Variants in OPCML observed in about 807,000 individuals in gnomAD.
OPCML encodes opioid-binding protein/cell adhesion molecule.
OPCML carries 13 observed loss-of-function variants against 37.8 expected under a neutral mutation model. The observed-to-expected ratio is 0.34, with a 90% CI of 0.22 to 0.55. The LOEUF is 0.55. Among genes scored for constraint, OPCML ranks in the 20% least tolerant of loss-of-function variants. OPCML has a pLI of 0.91. For missense variants in OPCML, 341 were observed against 435.6 expected (o/e 0.78, Z 1.93); for synonymous variants, 176 against 168.8 (o/e 1.04, Z -0.33).
In OPCML at chr11:132,714,338, A is replaced by G. The variant is rs149779813; in HGVS notation, c.147-57019T>C. On this transcript the variant is annotated intron_variant, in intron 2 of 7. Coordinates refer to ENST00000524381, the MANE Select transcript of OPCML (RefSeq NM_001012393.5). ...ACATACTGTAATGCCACTGGATACC[A>G]CATCAGTCTGAAAGGTGGTCGGCCT... Among the ~76,000 whole-genome samples the G allele has an allele frequency of 8.0e-3, 1,215 of 152,326 alleles. 20 individuals carry two copies. Among genetic ancestry groups the G allele is most frequent in the African/African-American group, 0.028 (1,176 of 41,570 alleles).
At chr11:132,475,624 A>G (rs1202900863) in intron 4 of OPCML, among the ~76,000 whole-genome samples, 3 of 152,188 alleles carry the variant, frequency 2.0e-5, no homozygotes, top group African/African-American at 7.2e-5. Flanking sequence ...TGCAAGTTAA[A>G]GAGATATCTC....
At chr11:132,699,896 C>A (rs1332990228) in intron 2 of OPCML, among the ~76,000 whole-genome samples, 1 of 151,968 alleles carries the variant, frequency 6.6e-6, no homozygotes, top group African/African-American at 2.4e-5. Context: ...CTTTTAAATT[C>A]TTTAAGAAAA....
chr11:133,458,794 C>CGTGTGTGTGTATATACACATAGATGCAT (rs1946783892), intron 1 of OPCML, among the ~76,000 whole-genome samples: 4 of 143,904 alleles, frequency 2.8e-5, no homozygotes, highest in Non-Finnish European at 3.0e-5. Flanking sequence ...CATAGATGCA[C>CGTGTGTGTGTATATACACATAGATGCAT]GTGTGTGTGT....
intron 1 of OPCML, chr11:133,421,573 T>G (rs2136895028): frequency 1.0e-6 from 1 of 985,468 alleles, no homozygotes; most frequent in Non-Finnish European, 1.2e-6. Context: ...GCAACAGAGA[T>G]AAAATTGAAA....
intron 1 of OPCML, among the ~76,000 whole-genome samples, chr11:133,207,841 A>G (rs901375897): frequency 3.3e-5 from 5 of 152,094 alleles, no homozygotes; most frequent in Admixed American, 6.6e-5. Context: ...TCCCTGTGGC[A>G]TCTTTCCTTC....
chr11:133,262,678 C>G (rs1165467511), intron 1 of OPCML, among the ~76,000 whole-genome samples: 1 of 152,158 alleles, frequency 6.6e-6, no homozygotes, highest in East Asian at 1.9e-4. Flanking sequence ...GTGTGGCTTC[C>G]TATCCAGGTC....
intron 7 of OPCML, among the ~76,000 whole-genome samples, chr11:132,429,632 G>C (rs1378308288): frequency 6.6e-6 from 1 of 152,126 alleles, no homozygotes; most frequent in Non-Finnish European, 1.5e-5. Flanking sequence ...ATTCAGGAGA[G>C]AACTAAAGAC....
At chr11:132,753,098 G>T (rs1280757370) in intron 2 of OPCML, among the ~76,000 whole-genome samples, 1 of 152,012 alleles carries the variant, frequency 6.6e-6, no homozygotes, top group Non-Finnish European at 1.5e-5. Flanking sequence ...TTCCTCAGGA[G>T]GCTTTGCACT....
chr11:133,244,612 T>A (rs976753755), intron 1 of OPCML, among the ~76,000 whole-genome samples: 1 of 152,128 alleles, frequency 6.6e-6, no homozygotes, highest in Non-Finnish European at 1.5e-5. Context: ...ACAGGGCAGA[T>A]TTCCCCCTTG....
intron 1 of OPCML, among the ~76,000 whole-genome samples, chr11:133,073,556 T>C (rs935091550): frequency 9.9e-5 from 15 of 152,208 alleles, no homozygotes; most frequent in Admixed American, 8.5e-4. Context: ...ATGCCAGCCA[T>C]AGAAACTAGA....
intron 1 of OPCML, among the ~76,000 whole-genome samples, chr11:133,531,518 GA>G (rs1208426882): frequency 6.6e-6 from 1 of 152,186 alleles, no homozygotes; most frequent in Admixed American, 6.5e-5. Context: ...ACAGGAAGGA[GA>G]TACTGAGAGG....
intron 2 of OPCML, among the ~76,000 whole-genome samples, chr11:132,723,546 A>C (rs1220084977): frequency 6.8e-6 from 1 of 146,184 alleles, no homozygotes; most frequent in Non-Finnish European, 1.5e-5. Flanking sequence ...ACATTCGGTA[A>C]TTTTAGTGAT....
At chr11:133,230,841 T>C (rs1384970048) in intron 1 of OPCML, among the ~76,000 whole-genome samples, 1 of 152,160 alleles carries the variant, frequency 6.6e-6, no homozygotes, top group East Asian at 1.9e-4. Flanking sequence ...TCTGCAGATC[T>C]GGCACTAGTA....
chr11:132,627,859 T>C (rs1483663515), intron 3 of OPCML, among the ~76,000 whole-genome samples: 4 of 152,134 alleles, frequency 2.6e-5, no homozygotes, highest in Non-Finnish European at 1.5e-5. Context: ...TCCATAACTT[T>C]GGGAAGAAGA....
chr11:132,482,183 A>G (rs1365946159), intron 4 of OPCML, among the ~76,000 whole-genome samples: 2 of 150,988 alleles, frequency 1.3e-5, no homozygotes, highest in Non-Finnish European at 3.0e-5. Context: ...CAAGACTAAT[A>G]AAGAAAAAAA....
chr11:132,427,414 C>T (rs1027704262), intron 7 of OPCML, among the ~76,000 whole-genome samples: 22 of 152,158 alleles, frequency 1.4e-4, no homozygotes, highest in African/African-American at 5.1e-4. Flanking sequence ...TTTAGAGGTG[C>T]TGGCTGATGA....
At chr11:132,850,757 A>G (rs1257200638) in intron 2 of OPCML, among the ~76,000 whole-genome samples, 2 of 152,218 alleles carry the variant, frequency 1.3e-5, no homozygotes, top group East Asian at 3.9e-4. Flanking sequence ...CAGACAGGAA[A>G]CTAGCAATTA....
At chr11:133,413,999 T>G (rs577819831) in intron 1 of OPCML, among the ~76,000 whole-genome samples, 2 of 152,288 alleles carry the variant, frequency 1.3e-5, no homozygotes, top group East Asian at 3.9e-4. Context: ...TCTTACTCCC[T>G]GAGGCTACTT....
At chr11:133,389,564 C>T (rs1025157447) in intron 1 of OPCML, among the ~76,000 whole-genome samples, 3 of 152,094 alleles carry the variant, frequency 2.0e-5, no homozygotes, top group African/African-American at 7.2e-5. Context: ...AATAGATGTT[C>T]ACAGGTGGTA....
Sources: allele counts gnomAD v4.1 joint callset (sites outside exome capture counted in the v4.1 genomes callset), GRCh38; gene constraint gnomAD v4.1.1; transcripts MANE v1.5; gene names NCBI Gene and HGNC (gene_info 2026-07-23, HGNC 2026-07-21).